Variants in NHSL1 observed in about 807,000 individuals in gnomAD.
NHSL1 encodes NHS like 1.
In NHSL1, 48 loss-of-function variants were observed where a neutral mutation model predicts 95.0. That is an observed-to-expected ratio of 0.51 (90% CI 0.40 to 0.64). The LOEUF (loss-of-function observed/expected upper bound fraction) is 0.64. Among genes scored for constraint, NHSL1 ranks in the 30% least tolerant of loss-of-function variants. The pLI is 0.00. For missense variants in NHSL1, 1,971 were observed against 2,077.7 expected, an observed-to-expected ratio of 0.95 and a Z score of 1.00; for synonymous variants, 783 against 833.9, an observed-to-expected ratio of 0.94 and a Z score of 1.05.
chr6:138,476,134 C>T (rs1446006952), intron 2 of NHSL1, among the ~76,000 whole-genome samples: 1 of 152,074 alleles, frequency 6.6e-6, no homozygotes, highest in Non-Finnish European at 1.5e-5. Context: ...CCCAGCAATC[C>T]CACTACTGAG....
chr6:138,575,001 G>A (rs1783946209), upstream of NHSL1, among the ~76,000 whole-genome samples: 2 of 152,176 alleles, frequency 1.3e-5, no homozygotes, highest in South Asian at 4.1e-4. Flanking sequence ...TCGGGTTCAA[G>A]TGATTCTCCT....
At chr6:138,673,546 A>G (rs1785409712) in intron 1 of NHSL1, among the ~76,000 whole-genome samples, 1 of 152,244 alleles carries the variant, frequency 6.6e-6, no homozygotes, top group Middle Eastern at 3.4e-3. Flanking sequence ...CAATCATTGC[A>G]CAAGTCTAAA....
intron 1 of NHSL1, among the ~76,000 whole-genome samples, chr6:138,560,829 T>C: frequency 6.6e-6 from 1 of 152,220 alleles, no homozygotes; most frequent in African/African-American, 2.4e-5. Context: ...AGATACCCAG[T>C]TTCTGCTTTA....
At chr6:138,532,694 G>A (rs1163417367) in intron 1 of NHSL1, among the ~76,000 whole-genome samples, 1 of 152,150 alleles carries the variant, frequency 6.6e-6, no homozygotes, top group Non-Finnish European at 1.5e-5. Flanking sequence ...AGAGTAGTTA[G>A]GTGGCTTATT....
chr6:138,687,476 G>A (rs1183330651), intron 1 of NHSL1, among the ~76,000 whole-genome samples: 2 of 152,124 alleles, frequency 1.3e-5, no homozygotes, highest in East Asian at 1.9e-4. Context: ...TCAGAACTAT[G>A]AGCCTACTGT....
intron 1 of NHSL1, among the ~76,000 whole-genome samples, chr6:138,629,533 C>T (rs1201255086): frequency 6.6e-6 from 1 of 152,102 alleles, no homozygotes; most frequent in African/African-American, 2.4e-5. Flanking sequence ...CAGGAGTGCA[C>T]CACCACACCC....
At chr6:138,454,202 TGC>T (rs201343596) in intron 3 of NHSL1, among the ~76,000 whole-genome samples, 7 of 152,068 alleles carry the variant, frequency 4.6e-5, no homozygotes, top group African/African-American at 1.2e-4. Context: ...TGTGTGTGTG[TGC>T]GTGCGTGCAT....
chr6:138,610,327 G>A (rs1000379767), intron 1 of NHSL1, among the ~76,000 whole-genome samples: 3 of 151,938 alleles, frequency 2.0e-5, no homozygotes, highest in Admixed American at 1.3e-4. Flanking sequence ...ACTCATAGGT[G>A]GGAATTGAAC....
intron 1 of NHSL1, among the ~76,000 whole-genome samples, chr6:138,688,934 G>C (rs898466693): frequency 2.0e-5 from 3 of 152,144 alleles, no homozygotes; most frequent in Non-Finnish European, 2.9e-5. Flanking sequence ...ATTGGTAGCA[G>C]TATTGTATTT....
intron 7 of NHSL1, among the ~76,000 whole-genome samples, chr6:138,427,015 C>T (rs1378188304): frequency 6.6e-6 from 1 of 152,218 alleles, no homozygotes; most frequent in Non-Finnish European, 1.5e-5. Flanking sequence ...GTTAGTATGA[C>T]AACTAGGACT....
upstream of NHSL1, chr6:138,499,576 A>T (rs905722230): frequency 1.2e-5 from 5 of 411,060 alleles, no homozygotes; most frequent in Admixed American, 1.7e-4. Context: ...AAAGCCAATC[A>T]CGGTTCTTAT....
intron 4 of NHSL1, among the ~76,000 whole-genome samples, chr6:138,443,150 CAT>C (rs143603962): frequency 0.041 from 6,181 of 152,186 alleles, 131 homozygotes; most frequent in Middle Eastern, 0.061. Flanking sequence ...ATTATTGACA[CAT>C]ATTCAATGTA....
At chr6:138,661,068 A>T (rs7758455) in intron 1 of NHSL1, among the ~76,000 whole-genome samples, 20,278 of 152,164 alleles carry the variant, frequency 0.13, 2,149 homozygotes, top group African/African-American at 0.29. Flanking sequence ...CATTCTGAGA[A>T]GATTATCACA....
intron 3 of NHSL1, among the ~76,000 whole-genome samples, chr6:138,467,536 T>C (rs1778472305): frequency 6.6e-6 from 1 of 152,134 alleles, no homozygotes; most frequent in African/African-American, 2.4e-5. Context: ...CTTCAGAAAA[T>C]ATTCCAGAAG....
At chr6:138,512,271 A>T in intron 1 of NHSL1, 8 of 455,582 alleles carry the variant, frequency 1.8e-5, no homozygotes, top group South Asian at 1.2e-4. Flanking sequence ...CTGAAGAGAG[A>T]TACTCACCAA....
chr6:138,446,645 G>A (rs1776882164), intron 4 of NHSL1: 1 of 174,742 alleles, frequency 5.7e-6, no homozygotes, highest in Non-Finnish European at 1.2e-5. Flanking sequence ...CCCTTTAGAA[G>A]GGAAATATAT....
intron 1 of NHSL1, among the ~76,000 whole-genome samples, chr6:138,687,966 T>TGGAGG (rs1785608442): frequency 6.6e-6 from 1 of 151,746 alleles, no homozygotes; most frequent in African/African-American, 2.4e-5. Context: ...TTTTTTTTTT[T>TGGAGG]GGGGACACAG....
rs564160769 is a variant in NHSL1, at chr6:138,639,568, G to T, written c.96+52908C>A. Among the ~76,000 whole-genome samples, 194 of 151,842 alleles carry T rather than the reference G, an allele frequency of 1.3e-3. 1 individual carries two copies. The highest frequency in any genetic ancestry group is 4.5e-3 in the African/African-American group (188 of 41,436). ...GAGGCAGGAGAATGGCATGAACCTG[G>T]GAGGCAGAGCTTGCAGTAAGCCGAG... is the stretch of plus-strand genomic sequence containing the variant. On this transcript the variant is annotated intron_variant, in intron 1 of 3. Coordinates refer to the NHSL1 transcript ENST00000491526.
intron 3 of NHSL1, among the ~76,000 whole-genome samples, chr6:138,462,568 A>G (rs1315345480): frequency 6.6e-6 from 1 of 152,152 alleles, no homozygotes; most frequent in African/African-American, 2.4e-5. Flanking sequence ...AACTCCATCC[A>G]TATCCAAACC....
Sources: allele counts gnomAD v4.1 joint callset (sites outside exome capture counted in the v4.1 genomes callset), GRCh38; gene constraint gnomAD v4.1.1; transcripts MANE v1.5; gene names NCBI Gene and HGNC (gene_info 2026-07-23, HGNC 2026-07-21).